The following CTNNA2 variants were observed in gnomAD, a reference collection of about 807,000 sequenced individuals.
CTNNA2 encodes the protein catenin alpha 2, also known as catenin alpha-2.
A neutral mutation model predicts 101.0 loss-of-function variants in CTNNA2; 42 were observed. That is an observed-to-expected ratio of 0.42 (90% CI 0.32 to 0.54). The LOEUF (loss-of-function observed/expected upper bound fraction) is 0.54. Among genes scored for constraint, CTNNA2 ranks in the 20% least tolerant of loss-of-function variants. CTNNA2 has a pLI of 0.14. For missense variants in CTNNA2, 871 were observed against 1,223.1 expected, an observed-to-expected ratio of 0.71 and a Z score of 4.29; for synonymous variants, 450 against 456.4, an observed-to-expected ratio of 0.99 and a Z score of 0.18.
At chr2:79,949,828 T>C (rs1476327278) in intron 7 of CTNNA2, among the ~76,000 whole-genome samples, 2 of 152,190 alleles carry the variant, frequency 1.3e-5, no homozygotes. Flanking sequence ...TTGATAGTGC[T>C]ATTTTGAAGT....
intron 1 of CTNNA2, among the ~76,000 whole-genome samples, chr2:79,628,167 G>A (rs938962205): frequency 6.6e-6 from 1 of 152,022 alleles, no homozygotes; most frequent in South Asian, 2.1e-4. Flanking sequence ...AATTGGTGAG[G>A]TTGGCCAGGC....
At chr2:79,335,404 C>T (rs998448796) in intron 3 of CTNNA2, among the ~76,000 whole-genome samples, 3 of 152,148 alleles carry the variant, frequency 2.0e-5, no homozygotes, top group African/African-American at 7.2e-5. Context: ...GAGGTCACAT[C>T]GTCATTCTCA....
At chr2:80,299,820 C>T (rs889536679) in intron 7 of CTNNA2, 12 of 152,162 alleles carry the variant, frequency 7.9e-5, no homozygotes, top group African/African-American at 2.9e-4. Context: ...GGTTTTGCTT[C>T]TGAAAGCTTT....
intron 7 of CTNNA2, among the ~76,000 whole-genome samples, chr2:80,079,017 A>ACC (rs1698944961): frequency 6.6e-6 from 1 of 152,132 alleles, no homozygotes; most frequent in Non-Finnish European, 1.5e-5. Flanking sequence ...CTTTGAGAGC[A>ACC]TTTACAATAG....
chr2:79,655,588 G>C (rs1681552450), intron 2 of CTNNA2, among the ~76,000 whole-genome samples: 1 of 152,060 alleles, frequency 6.6e-6, no homozygotes, highest in Non-Finnish European at 1.5e-5. Context: ...CAGCACTTTG[G>C]GAGGCCAAGG....
At chr2:80,393,365 T>G (rs936124678) in intron 8 of CTNNA2, 74 bp downstream of exon 8, 37 of 1,084,356 alleles carry the variant, frequency 3.4e-5, no homozygotes, top group Non-Finnish European at 4.8e-5. Context: ...TTCCAGGGTG[T>G]CTTCTTGGAG....
intron 4 of CTNNA2, among the ~76,000 whole-genome samples, chr2:79,389,186 G>T (rs1027548761): frequency 6.6e-6 from 1 of 152,106 alleles, no homozygotes; most frequent in Non-Finnish European, 1.5e-5. Flanking sequence ...CACCATAAGG[G>T]TCTACATTAT....
In CTNNA2 at chr2:80,116,902, A is replaced by AGTGTGTGTGTGTGTGTGTGTGT. The variant is rs112383959; in HGVS notation, c.1056+207118_1056+207139dup. ...CAGAGAAGGGAAAATAGAAGAAAAT[A>AGTGTGTGTGTGTGTGTGTGTGT]GTGTGTGTGTGTGTGTGTGTGTGTG... On this transcript the variant is annotated intron_variant, in intron 7 of 18. Transcript: ENST00000402739. Among the ~76,000 whole-genome samples, 1,074 of 143,596 alleles carry AGTGTGTGTGTGTGTGTGTGTGT rather than the reference A, an allele frequency of 7.5e-3. 4 individuals are homozygous for AGTGTGTGTGTGTGTGTGTGTGT. Among genetic ancestry groups the AGTGTGTGTGTGTGTGTGTGTGT allele is most frequent in the Non-Finnish European group, 0.012 (765 of 65,850 alleles). 94.2% of individuals were successfully genotyped at this position (143,596 alleles called of 152,430 possible). A position where few individuals can be genotyped will look rare whatever the true frequency, so the allele number is the denominator to read the frequency against.
intron 7 of CTNNA2, among the ~76,000 whole-genome samples, chr2:80,189,691 C>T (rs116643779): frequency 0.01 from 1,587 of 152,162 alleles, 27 homozygotes; most frequent in African/African-American, 0.036. Flanking sequence ...GCCTATGTGG[C>T]GTTGTTCCAC....
Position 80,060,090 on chromosome 2 carries a change from T to G in CTNNA2, c.1056+150293T>G, listed in dbSNP as rs769918081. 2.0e-4 allele frequency among the ~76,000 whole-genome samples: 31 copies of G among 152,178 alleles called. No individual in the cohort carries two copies. In the South Asian group the frequency reaches 2.5e-3, roughly 12 times the overall value. On this transcript the variant is annotated intron_variant, in intron 7 of 18. Transcript: ENST00000402739. ...GAGTCCAAGAATGAGCATGGGAGAG[T>G]CATGCCAAGGATGCTTGGCTTCCAG...
chr2:80,036,982 A>G (rs1695710310), intron 7 of CTNNA2, among the ~76,000 whole-genome samples: 1 of 152,206 alleles, frequency 6.6e-6, no homozygotes. Context: ...TCAGGATCAT[A>G]TAGATATTGG....
At position 80,126,626 on chromosome 2, in the gene CTNNA2, C is replaced by CTTTCCTT. The variant is rs1702139184; in HGVS notation, c.1056+216829_1056+216830insTTTCCTT. On this transcript the variant is annotated intron_variant, in intron 7 of 18. Transcript: ENST00000402739. ...TCCCTCCCTCCCTCCCTCCCTCCCT[C>CTTTCCTT]CCTCCCTCCCTTCCTTCCTTCCTTC... Among the ~76,000 whole-genome samples, 82 of 27,288 alleles carry CTTTCCTT rather than the reference C, an allele frequency of 3.0e-3. 2 individuals carry two copies. The highest frequency in any genetic ancestry group is 0.013 in the African/African-American group (76 of 6,058). The allele number at this position is 27,288 out of a possible 152,430, so 17.9% of individuals were successfully genotyped here.
chr2:80,351,548 C>T (rs1264453767), intron 7 of CTNNA2, among the ~76,000 whole-genome samples: 1 of 152,116 alleles, frequency 6.6e-6, no homozygotes, highest in Non-Finnish European at 1.5e-5. Context: ...ATTTTTAGAG[C>T]AATCAGTTTA....
chr2:79,683,687 T>G (rs1683739072), intron 2 of CTNNA2, among the ~76,000 whole-genome samples: 1 of 152,226 alleles, frequency 6.6e-6, no homozygotes. Context: ...TGTTCACCTC[T>G]GTCATTGTCA....
At chr2:80,143,424 A>T (rs12469584) in intron 7 of CTNNA2, among the ~76,000 whole-genome samples, 29,205 of 152,002 alleles carry the variant, frequency 0.19, 3,089 homozygotes, top group South Asian at 0.4. Context: ...ATATTCGTCA[A>T]ATTTTTTGTG....
At chr2:79,420,700 G>T (rs1002962802) in intron 4 of CTNNA2, among the ~76,000 whole-genome samples, 5 of 152,170 alleles carry the variant, frequency 3.3e-5, no homozygotes, top group African/African-American at 1.2e-4. Flanking sequence ...AGGATTAACT[G>T]TGTTAATAAA....
At chr2:79,383,106 A>G (rs891839932) in intron 4 of CTNNA2, among the ~76,000 whole-genome samples, 8 of 152,230 alleles carry the variant, frequency 5.3e-5, no homozygotes, top group Admixed American at 3.9e-4. Flanking sequence ...TATATGAAAA[A>G]GCATTTGTGA....
intron 7 of CTNNA2, among the ~76,000 whole-genome samples, chr2:80,339,615 A>G (rs999120862): frequency 1.3e-5 from 2 of 152,164 alleles, no homozygotes; most frequent in African/African-American, 2.4e-5. Context: ...TGCTTCTTCA[A>G]CTAGTCATCC....
chr2:80,630,662 TTAAAA>T (rs1364624260), intron 18 of CTNNA2, among the ~76,000 whole-genome samples: 3 of 152,046 alleles, frequency 2.0e-5, no homozygotes, highest in African/African-American at 7.2e-5. Context: ...AAATAAATAG[TTAAAA>T]TAAAATTTTT....
Sources: allele counts gnomAD v4.1 joint callset (sites outside exome capture counted in the v4.1 genomes callset), GRCh38; gene constraint gnomAD v4.1.1; transcripts MANE v1.5; gene names NCBI Gene and HGNC (gene_info 2026-07-23, HGNC 2026-07-21).